The following ZNF273 variants were observed in gnomAD, a reference collection of about 807,000 sequenced individuals.
The protein encoded by ZNF273 is zinc finger protein 9.
ZNF273 carries 11 observed loss-of-function variants against 14.9 expected under a neutral mutation model. That is an observed-to-expected ratio of 0.74 (90% CI 0.46 to 1.22). The LOEUF (loss-of-function observed/expected upper bound fraction) is 1.22, where lower values mean the gene tolerates loss of function less well. ZNF273 is among the 50% of genes most tolerant of loss of function. The pLI is 0.00. For missense variants in ZNF273, 577 were observed against 660.6 expected, an observed-to-expected ratio of 0.87 and a Z score of 1.39; for synonymous variants, 199 against 223.9, an observed-to-expected ratio of 0.89 and a Z score of 0.99.
chr7:64,923,154 CT>C (rs576995410), intron 3 of ZNF273, among the ~76,000 whole-genome samples: 1 of 151,820 alleles, frequency 6.6e-6, no homozygotes, highest in Non-Finnish European at 1.5e-5. Context: ...AAACACTACT[CT>C]TTTTTTTCTA....
chr7:64,896,399 A>G (rs546715912), intron 3 of ZNF273, among the ~76,000 whole-genome samples: 15 of 152,200 alleles, frequency 9.9e-5, no homozygotes, highest in Non-Finnish European at 1.9e-4. Context: ...CCTAAATTCA[A>G]TGGTAGCAGT....
intron 1 of ZNF273, chr7:64,917,189 G>C: frequency 2.0e-6 from 2 of 989,190 alleles, no homozygotes. Context: ...TGCATAACAA[G>C]ATCTCCAGTT....
In ZNF273 at chr7:64,917,628, G is replaced by C; in HGVS notation, c.150G>C (p.Glu50Asp). The C allele has an allele frequency of 2.5e-6, 4 of 1,600,470 alleles. No individual in the cohort carries two copies. Among genetic ancestry groups the C allele is most frequent in the Non-Finnish European group, 3.4e-6 (4 of 1,171,484 alleles). Residue 50 changes from glutamate to aspartate, a missense_variant, in exon 2 of 4, where the codon GAG becomes GAC. Glu to Asp is a conservative substitution (Grantham distance 45, BLOSUM62 2). This residue lies in a region of ZNF273 where 162 missense variants were observed against 203.5 expected (regional missense o/e 0.80). Transcript: ENST00000476120. ...TGGCCATAGAATTCTCTCTGGAGGA[G>C]TGGCAATGCCTGGACACTTCACAGC... The part of the protein sequence containing the change: ...RDVAIEFSLE[E>D]WQCLDTSQQN...
At chr7:64,903,628 C>T (rs1562955689) in intron 1 of ZNF273, among the ~76,000 whole-genome samples, 8 of 152,184 alleles carry the variant, frequency 5.3e-5, no homozygotes. Context: ...CCTGTCTCCT[C>T]CCTGCGCAGT....
Position 64,928,222 on chromosome 7 carries a change from C to G in ZNF273, c.894C>G (p.Val298=). ...KPYKCEDCGK[V]FSVFSVLTKH... ...ACAAATGTGAAGATTGTGGCAAAGT[C>G]TTTAGTGTATTTTCAGTCCTTACTA... Residue 298 remains valine (V), a synonymous_variant, in exon 4 of 4, where the codon GTC becomes GTG. Transcript: ENST00000476120. 1 of 1,613,198 alleles carries G rather than the reference C, an allele frequency of 6.2e-7. No homozygotes were observed. Among genetic ancestry groups the G allele is most frequent in the Non-Finnish European group, 8.5e-7 (1 of 1,179,720 alleles).
the ZNF273 span, among the ~76,000 whole-genome samples, chr7:64,936,525 T>C: frequency 6.6e-6 from 1 of 152,208 alleles, no homozygotes; most frequent in Non-Finnish European, 1.5e-5. Context: ...TATAATAAAA[T>C]TTGATGTATC....
At chr7:64,926,814 G>GT (rs1271069172) in intron 3 of ZNF273, among the ~76,000 whole-genome samples, 1 of 152,064 alleles carries the variant, frequency 6.6e-6, no homozygotes, top group Non-Finnish European at 1.5e-5. Context: ...AATTTTTTGG[G>GT]TTTTTTAGTT....
rs769093959 is a variant in ZNF273 at position 64,929,001 on chromosome 7, C to G, written c.1673C>G (p.Ser558Cys). 32 of 1,568,828 alleles carry G rather than the reference C, an allele frequency of 2.0e-5. No homozygotes were observed. The highest frequency in any genetic ancestry group is 2.7e-5 in the Non-Finnish European group (31 of 1,161,842). Residue 558 changes from serine to cysteine, a missense_variant, in exon 4 of 4, where the codon TCT (serine) becomes TGT (cysteine). By Grantham distance (112) the Ser-to-Cys change is moderately radical. Coordinates refer to ENST00000476120, the MANE Select transcript of ZNF273 (RefSeq NM_021148.3). The part of the protein sequence containing the change: ...DSAFDNTPNF[S>C]RHKRNHMGEK... ...GCTTTTGACAACACCCCAAACTTTT[C>G]TAGACATAAAAGAAATCATATGGGT...
chr7:64,890,913 G>A (rs907368806), downstream of ZNF273, among the ~76,000 whole-genome samples: 12 of 152,332 alleles, frequency 7.9e-5, no homozygotes, highest in African/African-American at 2.6e-4. Flanking sequence ...ATTTGCCTGT[G>A]TGCCAACAGC....
downstream of ZNF273, among the ~76,000 whole-genome samples, chr7:64,882,056 G>A (rs917543151): frequency 5.3e-5 from 8 of 152,198 alleles, no homozygotes; most frequent in South Asian, 8.3e-4. Flanking sequence ...CAGATTGCCC[G>A]TGGGTGCTGA....
chr7:64,929,127 G>GTGACAAATGT lies in ZNF273; in HGVS notation c.*89_*90insTGACAAATGT. On this transcript the variant is annotated 3_prime_UTR_variant, in exon 4 of 4. Coordinates refer to ENST00000476120, the MANE Select transcript of ZNF273 (RefSeq NM_021148.3). ...CATACTGGAGAAAACTCCCAGAAGT[G>GTGACAAATGT]GAGTTTTCCTTATTGCACAGGAAAG... 1.0e-5 allele frequency: 13 copies of GTGACAAATGT among 1,241,360 alleles called. 3 individuals are homozygous for GTGACAAATGT. In the African/African-American group the frequency reaches 1.1e-4, roughly 10 times the overall value. 76.9% of individuals were successfully genotyped at this position (1,241,360 alleles called of 1,614,324 possible).
intron 1 of ZNF273, among the ~76,000 whole-genome samples, chr7:64,887,797 CTTTTTTTT>C (rs779641845): frequency 1.4e-5 from 2 of 143,600 alleles, no homozygotes; most frequent in Non-Finnish European, 3.1e-5. Context: ...CGTGCCCTGT[CTTTTTTTT>C]TTTTTTTCTT....
chr7:64,880,926 G>A (rs1401292110), downstream of ZNF273, among the ~76,000 whole-genome samples: 2 of 152,158 alleles, frequency 1.3e-5, no homozygotes, highest in African/African-American at 2.4e-5. Flanking sequence ...CTCCTCCATC[G>A]TCTCGGGATT....
At chr7:64,901,151 C>T (rs1792690162), upstream of ZNF273, among the ~76,000 whole-genome samples, 1 of 151,992 alleles carries the variant, frequency 6.6e-6, no homozygotes, top group South Asian at 2.1e-4. Flanking sequence ...TACAAGCGCA[C>T]GCCATCACAC....
At chr7:64,926,795 C>CT (rs371980034) in intron 3 of ZNF273, among the ~76,000 whole-genome samples, 3 of 152,120 alleles carry the variant, frequency 2.0e-5, no homozygotes, top group Non-Finnish European at 4.4e-5. Flanking sequence ...TAAAATGTGT[C>CT]TTTTCTGAAA....
At position 64,930,127 on chromosome 7, in the gene ZNF273, ATGT is replaced by A; in HGVS notation, c.*1092_*1094del. On this transcript the variant is annotated 3_prime_UTR_variant, in exon 4 of 4. Coordinates refer to ENST00000476120, the MANE Select transcript of ZNF273 (RefSeq NM_021148.3). ...GATATGCCCGCCTCGGCCTCCCAAA[ATGT>A]TGGGATTACAGGCATGAGCCACTGC... The A allele has an allele frequency of 6.6e-6, 1 of 152,176 alleles. No individual in the cohort carries two copies. Among genetic ancestry groups the A allele is most frequent in the East Asian group, 1.9e-4 (1 of 5,196 alleles). The allele number at this position is 152,176 out of a possible 1,614,324, so 9.4% of individuals were successfully genotyped here.
At chr7:64,889,689 C>G (rs898378812), downstream of ZNF273, 23 of 985,822 alleles carry the variant, frequency 2.3e-5, no homozygotes, top group African/African-American at 3.8e-4. This position sits in a 1 kb window ranked among gnomAD's most constrained non-coding sequence, Gnocchi z 4.2. Context: ...CCCTCCGCCC[C>G]GCAAACGCTC....
intron 1 of ZNF273, among the ~76,000 whole-genome samples, chr7:64,911,870 T>C (rs1793539395): frequency 6.6e-6 from 1 of 152,226 alleles, no homozygotes; most frequent in Non-Finnish European, 1.5e-5. Flanking sequence ...TTTAATGGCA[T>C]AAATTTCCCT....
chr7:64,888,106 A>C (rs140853021), intron 1 of ZNF273, among the ~76,000 whole-genome samples: 348 of 151,858 alleles, frequency 2.3e-3, no homozygotes, highest in African/African-American at 8.1e-3. Flanking sequence ...CCTCCCTGAC[A>C]CTCACTCAAA....
Sources: gnomAD v4.1 joint callset for allele counts (sites outside exome capture counted in the v4.1 genomes callset) on GRCh38, gnomAD v4.1.1 for gene constraint, gnomAD v4.1.1 regional missense constraint, Gnocchi (gnomAD v3.1) non-coding constraint, MANE v1.5 for transcripts, NCBI Gene and HGNC (gene_info 2026-07-23, HGNC 2026-07-21) for gene names.